Variants in PCDHGB3 observed in about 807,000 individuals in gnomAD.
PCDHGB3 encodes the protein protocadherin gamma-B3.
In PCDHGB3, 40 loss-of-function variants were observed where a neutral mutation model predicts 59.2. That is an observed-to-expected ratio of 0.68 (90% CI 0.52 to 0.88). PCDHGB3 has a LOEUF of 0.88. Among genes scored for constraint, PCDHGB3 ranks in the 40% least tolerant of loss-of-function variants. The pLI is 0.00. For missense variants in PCDHGB3, 1,309 were observed against 1,187.9 expected (o/e 1.10, Z -1.50); for synonymous variants, 581 against 503.6 (o/e 1.15, Z -2.06).
intron 1 of PCDHGB3, chr5:141,374,303 C>A: frequency 6.2e-7 from 1 of 1,613,938 alleles, no homozygotes; most frequent in Non-Finnish European, 8.5e-7. Context: ...TAGGATGCAG[C>A]TTTTCTCTCT....
In PCDHGB3 at chr5:141,372,601, T is replaced by C; in HGVS notation, c.2207T>C (p.Val736Ala). 1 of 1,614,028 alleles carries C rather than the reference T, an allele frequency of 6.2e-7. No homozygotes were observed. Among genetic ancestry groups the C allele is most frequent in the Non-Finnish European group, 8.5e-7 (1 of 1,179,884 alleles). The change falls in exon 1 of 4, where the codon GTA becomes GCA. Residue 736 changes from valine (V) to alanine (A), a missense_variant. Physicochemically the swap from Val to Ala is moderately conservative, Grantham distance 64. Coordinates refer to ENST00000576222, the MANE Select transcript of PCDHGB3 (RefSeq NM_018924.5). Reference sequence around the variant, plus strand: ...CAGCCTGGTGTCTGCTTCAAGACTGTACCTGGAGTTCTCCCCACCTACAGC... The same window carrying C: ...CAGCCTGGTGTCTGCTTCAAGACTGCACCTGGAGTTCTCCCCACCTACAGC... The part of the protein sequence containing the change: ...YFQPGVCFKT[V>A]PGVLPTYSER...
In PCDHGB3 at chr5:141,489,200, G is replaced by A. The variant is rs1483035320; in HGVS notation, c.2416-5607G>A. The A allele has an allele frequency of 2.8e-6, 4 of 1,412,792 alleles. No individual in the cohort carries two copies. The highest frequency in any genetic ancestry group is 3.9e-6 in the Non-Finnish European group (4 of 1,038,374). The allele number at this position is 1,412,792 out of a possible 1,614,324, so 87.5% of individuals were successfully genotyped here. A position where few individuals can be genotyped will look rare whatever the true frequency, so the allele number is the denominator to read the frequency against. On this transcript the variant is annotated intron_variant, in intron 1 of 3. Coordinates refer to ENST00000576222, the MANE Select transcript of PCDHGB3 (RefSeq NM_018924.5). This position sits in a 1 kb window ranked among gnomAD's most constrained non-coding sequence, Gnocchi z 4.5. ...AAGCCCTGGGTCTACCTTGGAGACAGGACAGCACAGACTTACTCTCCACAA... is the reference window on the plus strand; with the variant it reads ...AAGCCCTGGGTCTACCTTGGAGACAAGACAGCACAGACTTACTCTCCACAA...
intron 1 of PCDHGB3, among the ~76,000 whole-genome samples, chr5:141,434,463 G>A (rs967685246): frequency 5.9e-5 from 9 of 152,192 alleles, no homozygotes; most frequent in Admixed American, 1.3e-4. Flanking sequence ...TGGGTTTACC[G>A]GAATGAGGGC....
In PCDHGB3 at chr5:141,417,713, C is replaced by T. The variant is rs905298887; in HGVS notation, c.2415+44904C>T. 1.3e-4 allele frequency: 160 copies of T among 1,271,624 alleles called. No homozygotes were observed. In the Admixed American group the frequency reaches 4.6e-3, roughly 37 times the overall value. The allele number at this position is 1,271,624 out of a possible 1,614,324, so 78.8% of individuals were successfully genotyped here. On this transcript the variant is annotated intron_variant, in intron 1 of 3. Transcript: ENST00000576222. ...AAACCAGCTCCCACACAGAGGCTCC[C>T]GGCTGCGCAGACCTTGCCCAGCACA... is the stretch of plus-strand genomic sequence containing the variant.
chr5:141,439,172 G>A (rs1181712838), intron 1 of PCDHGB3, among the ~76,000 whole-genome samples: 1 of 147,496 alleles, frequency 6.8e-6, no homozygotes, highest in Admixed American at 6.8e-5. Context: ...CAGCCTGGGC[G>A]ACATAGTGAG....
At chr5:141,399,720 C>G (rs1217371004) in intron 1 of PCDHGB3, 2 of 1,613,306 alleles carry the variant, frequency 1.2e-6, no homozygotes, top group South Asian at 2.2e-5. Context: ...TACAGGCCCG[C>G]GACCAGGGCT....
intron 1 of PCDHGB3, chr5:141,394,509 G>A (rs367855808): frequency 6.2e-7 from 1 of 1,614,146 alleles, no homozygotes; most frequent in Non-Finnish European, 8.5e-7. Context: ...CCTGTACCCC[G>A]CCCTCCCCAC....
chr5:141,399,685 C>G (rs1344845350), intron 1 of PCDHGB3: 1 of 1,613,532 alleles, frequency 6.2e-7, no homozygotes, highest in African/African-American at 1.3e-5. Context: ...TGACTACGAG[C>G]AGCTGCGCAC....
At chr5:141,481,533 T>TG (rs1246139713) in intron 1 of PCDHGB3, among the ~76,000 whole-genome samples, 2 of 152,200 alleles carry the variant, frequency 1.3e-5, no homozygotes, top group Admixed American at 6.5e-5. Context: ...AATCTAGAGA[T>TG]GGGGCTGGGC....
chr5:141,420,488 A>C, intron 1 of PCDHGB3: 1 of 534,916 alleles, frequency 1.9e-6, no homozygotes, highest in East Asian at 3.8e-5. Context: ...CTACATGGGT[A>C]ATCTCCGGTG....
chr5:141,419,773 C>CAG, intron 1 of PCDHGB3: 1 of 1,614,034 alleles, frequency 6.2e-7, no homozygotes, highest in Non-Finnish European at 8.5e-7. Flanking sequence ...AGGACTCGGT[C>CAG]CGCCAGCGCC....
rs1328089059 is a variant in PCDHGB3, at chr5:141,478,532, G to A, written c.2416-16275G>A. 4.4e-6 allele frequency: 7 copies of A among 1,607,742 alleles called. No homozygotes were observed. The East Asian group carries it at 1.6e-4, about 36-fold the overall frequency. On this transcript the variant is annotated intron_variant, in intron 1 of 3. Coordinates refer to ENST00000576222, the MANE Select transcript of PCDHGB3 (RefSeq NM_018924.5). Reference sequence around the variant, plus strand: ...TAGGCAGGTGTTGGGTGCAGAGAGCGCCCCTCCCGGACAGGTAAGGTTTAG... The same window carrying A: ...TAGGCAGGTGTTGGGTGCAGAGAGCACCCCTCCCGGACAGGTAAGGTTTAG...
At chr5:141,447,613 A>G (rs1169186870) in intron 1 of PCDHGB3, among the ~76,000 whole-genome samples, 1 of 152,186 alleles carries the variant, frequency 6.6e-6, no homozygotes, top group Admixed American at 6.5e-5. Context: ...TTAGCATTTT[A>G]AAGTTGAAAC....
Position 141,409,176 on chromosome 5 carries a change from G to A in PCDHGB3, c.2415+36367G>A. On this transcript the variant is annotated intron_variant, in intron 1 of 3. Transcript: ENST00000576222. ...ATGGAAGTGGAAGCGAAGGACGGAG[G>A]TGGTCTCTCTACCCAGTGTAAAGTA... The A allele has an allele frequency of 6.2e-7, 1 of 1,614,026 alleles. No individual in the cohort carries two copies. The highest frequency in any genetic ancestry group is 8.5e-7 in the Non-Finnish European group (1 of 1,179,892).
chr5:141,418,247 G>A, intron 1 of PCDHGB3: 1 of 1,614,032 alleles, frequency 6.2e-7, no homozygotes, highest in Non-Finnish European at 8.5e-7. Context: ...TAATGACCAC[G>A]CCCCTCAATT....
In PCDHGB3 at chr5:141,476,877, T is replaced by C. The variant is rs2099400648; in HGVS notation, c.2416-17930T>C. ...CAGTCCTTGTACCGGGCGCGCGTCC[T>C]GGAGGATGCACCCTCCGGCACGCGC... On this transcript the variant is annotated intron_variant, in intron 1 of 3. Transcript: ENST00000576222. This position sits in a 1 kb window ranked among gnomAD's most constrained non-coding sequence, Gnocchi z 7.6. 4.3e-6 allele frequency: 7 copies of C among 1,613,954 alleles called. No homozygotes were observed. The highest frequency in any genetic ancestry group is 5.9e-6 in the Non-Finnish European group (7 of 1,180,038).
At chr5:141,469,992 G>A (rs894673835) in intron 1 of PCDHGB3, among the ~76,000 whole-genome samples, 10 of 152,054 alleles carry the variant, frequency 6.6e-5, no homozygotes, top group South Asian at 2.1e-4. Context: ...TTAGCTGGTC[G>A]TCGTGGCACG....
intron 1 of PCDHGB3, among the ~76,000 whole-genome samples, chr5:141,455,137 G>A (rs892739175): frequency 2.7e-5 from 4 of 150,642 alleles, no homozygotes; most frequent in African/African-American, 9.8e-5. Flanking sequence ...ATTACACTGT[G>A]TTAAATAAAT....
chr5:141,419,423 C>A, intron 1 of PCDHGB3: 1 of 1,613,368 alleles, frequency 6.2e-7, no homozygotes, highest in Non-Finnish European at 8.5e-7. Context: ...CGCCTTCGAC[C>A]ACGAGCAGCT....
Sources: allele counts gnomAD v4.1 joint callset (sites outside exome capture counted in the v4.1 genomes callset), GRCh38; gene constraint gnomAD v4.1.1; non-coding constraint Gnocchi (gnomAD v3.1); transcripts MANE v1.5; gene names NCBI Gene and HGNC (gene_info 2026-07-23, HGNC 2026-07-21).